ATG2A: variants seen among roughly 807,000 people sequenced by gnomAD.
The protein encoded by ATG2A is autophagy-related protein 2 homolog A.
Under a neutral mutation model 214.2 loss-of-function variants are expected in ATG2A, and 103 were observed. That is an observed-to-expected ratio of 0.48 (90% CI 0.41 to 0.57). The LOEUF (loss-of-function observed/expected upper bound fraction) is 0.57. Among genes scored for constraint, ATG2A ranks in the 20% least tolerant of loss-of-function variants. ATG2A has a pLI of 0.00. For synonymous variants in ATG2A, 1,160 were observed against 1,142.1 expected (o/e 1.02, Z -0.32); for missense variants, 2,312 against 2,613.2 (o/e 0.88, Z 2.51).
chr11:64,899,585 G>A lies in ATG2A; in HGVS notation c.4465-743C>T, dbSNP rs558177123. Reference sequence around the variant, plus strand: ...AGCAAGTGGGACCCCCCTGCCCCAGGCAATTTCCCAGGCCCAAACCTTGAA... The same window carrying A: ...AGCAAGTGGGACCCCCCTGCCCCAGACAATTTCCCAGGCCCAAACCTTGAA... On this transcript the variant is annotated intron_variant, in intron 31 of 40. Coordinates refer to ENST00000377264, the MANE Select transcript of ATG2A (RefSeq NM_015104.3). Among the ~76,000 whole-genome samples, 3 of 152,242 alleles carry A rather than the reference G, an allele frequency of 2.0e-5. No homozygotes were observed. The East Asian group carries it at 5.8e-4, about 29-fold the overall frequency.
chr11:64,910,486 C>T (rs1476973032), intron 12 of ATG2A, 130 bp downstream of exon 12: 2 of 1,169,062 alleles, frequency 1.7e-6, no homozygotes, highest in Non-Finnish European at 2.4e-6. Context: ...ATTTGAGGGC[C>T]CCAGCATGGA....
At chr11:64,896,356 C>T (rs1944149800) in intron 39 of ATG2A, 106 bp downstream of exon 39, 3 of 1,436,078 alleles carry the variant, frequency 2.1e-6, no homozygotes, top group South Asian at 1.4e-5. Context: ...CTGTCATACC[C>T]AGACTGCCCA....
At position 64,895,053 on chromosome 11, in the gene ATG2A, C is replaced by T. The variant is rs774604464; in HGVS notation, c.5737G>A (p.Gly1913Arg). The change falls in exon 41 of 41, where the codon GGG becomes AGG. Residue 1913 changes from glycine to arginine, a missense_variant. By Grantham distance (125) the Gly-to-Arg change is moderately radical. Transcript: ENST00000377264. The surrounding 1 kb of genome is among the most constrained non-coding windows in gnomAD (Gnocchi z 5.0). ...LATEATSSLL[G>R]GMRNQIVPDA... ...GGGACAATCTGGTTGCGCATGCCCC[C>T]GAGCAGGCTGGACGTGGCCTCCGTG... The T allele has an allele frequency of 5.6e-6, 9 of 1,613,366 alleles. No homozygotes were observed. The highest frequency in any genetic ancestry group is 4.0e-5 in the African/African-American group (3 of 74,934).
Position 64,906,758 on chromosome 11 carries a change from G to A in ATG2A, c.2890C>T (p.His964Tyr). 6.2e-7 allele frequency: 1 copy of A among 1,613,512 alleles called. No individual in the cohort carries two copies. The highest frequency in any genetic ancestry group is 8.5e-7 in the Non-Finnish European group (1 of 1,180,020). Residue 964 changes from histidine to tyrosine, a missense_variant, in exon 20 of 41, where the codon CAC becomes TAC. Transcript: ENST00000377264. ...VHGELVLDME[H>Y]GTLFSVSQYC... ...TGGGAGACGCTGAAGAGGGTACCGT[G>A]CTCCATGTCCAGCACCAGCTCCCCG...
At chr11:64,901,350 A>T (rs1008559372) in intron 29 of ATG2A, among the ~76,000 whole-genome samples, 1 of 152,010 alleles carries the variant, frequency 6.6e-6, no homozygotes, top group Admixed American at 6.6e-5. Context: ...TATCTGGCTA[A>T]TTTTATTTTT....
Position 64,905,738 on chromosome 11 carries a change from G to A in ATG2A, c.3371+4C>T. 6.2e-7 allele frequency: 1 copy of A among 1,613,934 alleles called. No homozygotes were observed. The highest frequency in any genetic ancestry group is 8.5e-7 in the Non-Finnish European group (1 of 1,179,996). On this transcript the variant is annotated splice_donor_region_variant and intron_variant, in intron 23 of 40. Transcript: ENST00000377264. ...CCCAGCCCCTGGCCCACCCAGCCTG[G>A]TACCTATAGTCCACAGAGCAGGAGA...
At position 64,917,182 on chromosome 11, in the gene ATG2A, C is replaced by T. The variant is rs1413185021; in HGVS notation, c.-47G>A. 7 of 1,544,632 alleles carry T rather than the reference C, an allele frequency of 4.5e-6. No homozygotes were observed. The highest frequency in any genetic ancestry group is 4.4e-6 in the Non-Finnish European group (5 of 1,143,852). On this transcript the variant is annotated 5_prime_UTR_variant, in exon 1 of 41. Transcript: ENST00000377264. ...GCCGCCTCCGCTTGCCGCCCGCCGGCGATCCCCGTCCGGCTCCGCTGTTCA... is the reference window on the plus strand; with the variant it reads ...GCCGCCTCCGCTTGCCGCCCGCCGGTGATCCCCGTCCGGCTCCGCTGTTCA...
Position 64,909,718 on chromosome 11 carries a change from G to A in ATG2A, c.2070C>T (p.Val690=), listed in dbSNP as rs758411128. The A allele has an allele frequency of 1.9e-6, 3 of 1,613,102 alleles. No individual in the cohort carries two copies. Among genetic ancestry groups the A allele is most frequent in the African/African-American group, 2.7e-5 (2 of 74,950 alleles). The stretch of plus-strand genomic sequence containing the variant: ...AGCAGGTGAGTTCCAGGTGGGTGGG[G>A]ACTGGGGGACCAGGCCCACTGCTAA... ...SELSSGPGPP[V]PTHLELTCSD... The change falls in exon 14 of 41, where the codon GTC becomes GTT. Residue 690 remains valine (V), a synonymous_variant. Transcript: ENST00000377264.
In ATG2A at chr11:64,897,906, C is replaced by T; in HGVS notation, c.4927G>A (p.Gly1643Ser). Reference sequence around the variant, plus strand: ...CCACCTCCTGGGGCCTCCTGCGAACCAGTGGTCTCTACGCCTTCGGCCTGC... The same window carrying T: ...CCACCTCCTGGGGCCTCCTGCGAACTAGTGGTCTCTACGCCTTCGGCCTGC... ...EGQAEGVETTGSQEAPGGGHS... is the reference protein window; with the variant it reads ...EGQAEGVETTSSQEAPGGGHS... The change falls in exon 35 of 41, where the codon GGT (glycine) becomes AGT (serine). Residue 1643 changes from glycine to serine, a missense_variant. Gly to Ser is a moderately conservative substitution (Grantham distance 56). Coordinates refer to ENST00000377264, the MANE Select transcript of ATG2A (RefSeq NM_015104.3). 1 of 1,563,692 alleles carries T rather than the reference C, an allele frequency of 6.4e-7. No individual in the cohort carries two copies. The highest frequency in any genetic ancestry group is 1.2e-5 in the South Asian group (1 of 82,534).
At position 64,900,571 on chromosome 11, in the gene ATG2A, G is replaced by C. The variant is rs1295289030; in HGVS notation, c.4387C>G (p.Arg1463Gly). The C allele has an allele frequency of 6.2e-7, 1 of 1,613,144 alleles. No homozygotes were observed. The highest frequency in any genetic ancestry group is 1.3e-5 in the African/African-American group (1 of 74,906). ...SSPSRCSGPN[R>G]PQNSWRTQGG... ...TGCGTGCGCCATGAGTTCTGGGGCC[G>C]GTTGGGGCCAGAGCAGCGGGAAGGG... is the stretch of plus-strand genomic sequence containing the variant. Residue 1463 changes from arginine (R) to glycine (G), a missense_variant, in exon 31 of 41, where the codon CGG (arginine) becomes GGG (glycine). By Grantham distance (125) the Arg-to-Gly change is moderately radical (BLOSUM62 -2). Transcript: ENST00000377264.
chr11:64,909,884 C>T lies in ATG2A; in HGVS notation c.1904G>A (p.Arg635Gln), dbSNP rs1450050110. The T allele has an allele frequency of 8.7e-6, 14 of 1,607,690 alleles. No homozygotes were observed. Among genetic ancestry groups the T allele is most frequent in the Admixed American group, 1.7e-5 (1 of 59,868 alleles). The change falls in exon 14 of 41, where the codon CGG becomes CAG. Residue 635 changes from arginine to glutamine, a missense_variant. Coordinates refer to ENST00000377264, the MANE Select transcript of ATG2A (RefSeq NM_015104.3). ...LPAMEQQTVF[R>Q]LSAPRATLRL... ...CAGCGTGGCCCGGGGTGCAGAGAGC[C>T]GAAATACCGTCTGCTGCTCCATCGC...
chr11:64,903,150 G>A lies in ATG2A; in HGVS notation c.3612+138C>T, dbSNP rs1944418347. ...TGTACTATGGCCCTTTGCAGGAGGG[G>A]CGCTAACTGCAGCCCAGGAAGGGCA... On this transcript the variant is annotated intron_variant, in intron 26 of 40. Coordinates refer to ENST00000377264, the MANE Select transcript of ATG2A (RefSeq NM_015104.3). This position sits in a 1 kb window ranked among gnomAD's most constrained non-coding sequence, Gnocchi z 4.2. 3 of 755,608 alleles carry A rather than the reference G, an allele frequency of 4.0e-6. No homozygotes were observed. The highest frequency in any genetic ancestry group is 4.4e-5 in the Admixed American group (2 of 45,946). The allele number at this position is 755,608 out of a possible 1,614,324, so 46.8% of individuals were successfully genotyped here.
chr11:64,911,644 G>C (rs1298675997), intron 9 of ATG2A, among the ~76,000 whole-genome samples, 198 bp downstream of exon 9: 1 of 152,176 alleles, frequency 6.6e-6, no homozygotes, highest in Non-Finnish European at 1.5e-5. Flanking sequence ...GCTTGACTAA[G>C]ATCAATGACT....
rs1452866919 is a variant in ATG2A, at chr11:64,914,275, A to G, written c.335-42T>C. 7 of 1,552,430 alleles carry G rather than the reference A, an allele frequency of 4.5e-6. No homozygotes were observed. The Admixed American group carries it at 5.8e-5, about 13-fold the overall frequency. ...GGTCTCAAGGCAGGCAGGCCCAGTC[A>G]GGTCCTGGACGCCCCAGCCCACTCT... On this transcript the variant is annotated intron_variant, in intron 2 of 40. Coordinates refer to ENST00000377264, the MANE Select transcript of ATG2A (RefSeq NM_015104.3).
rs1251587640 is a variant in ATG2A, at chr11:64,898,134, G to A, written c.4810C>T (p.Leu1604=). The A allele has an allele frequency of 2.5e-6, 4 of 1,614,140 alleles. No homozygotes were observed. The highest frequency in any genetic ancestry group is 2.5e-6 in the Non-Finnish European group (3 of 1,180,030). ...LFFLKDFFTS[L]VAGINPVVPG... is the part of the protein sequence containing the mutation. Reference sequence around the variant, plus strand: ...ACCACGGGGTTGATGCCGGCCACCAGACTAGTGAAGAAGTCCTTGAGGAAG... The same window carrying A: ...ACCACGGGGTTGATGCCGGCCACCAAACTAGTGAAGAAGTCCTTGAGGAAG... Residue 1604 remains leucine, a synonymous_variant, in exon 34 of 41, where the codon CTG becomes TTG. Coordinates refer to ENST00000377264, the MANE Select transcript of ATG2A (RefSeq NM_015104.3). This position sits in a 1 kb window ranked among gnomAD's most constrained non-coding sequence, Gnocchi z 4.5.
Position 64,894,856 on chromosome 11 carries a change from G to A in ATG2A, c.*117C>T, listed in dbSNP as rs765412974. 1.1e-5 allele frequency: 13 copies of A among 1,222,486 alleles called. No homozygotes were observed. Among genetic ancestry groups the A allele is most frequent in the African/African-American group, 4.4e-5 (3 of 67,522 alleles). 75.7% of individuals were successfully genotyped at this position (1,222,486 alleles called of 1,614,324 possible). ...TTGGCAACGGGCAGGCTGGGAAGGCGTCCTTCACAGTGGCCATCCCCTGAA... is the reference window on the plus strand; with the variant it reads ...TTGGCAACGGGCAGGCTGGGAAGGCATCCTTCACAGTGGCCATCCCCTGAA... On this transcript the variant is annotated 3_prime_UTR_variant, in exon 41 of 41. Coordinates refer to ENST00000377264, the MANE Select transcript of ATG2A (RefSeq NM_015104.3).
chr11:64,896,432 G>A lies in ATG2A; in HGVS notation c.5427+30C>T, dbSNP rs1944153503. ...CAGAGGGCTCCAGCTGCTCTGTCCT[G>A]CACAGCCCAGATACAGGGCACCCAC... On this transcript the variant is annotated intron_variant, in intron 39 of 40. Coordinates refer to ENST00000377264, the MANE Select transcript of ATG2A (RefSeq NM_015104.3). The A allele has an allele frequency of 4.4e-6, 7 of 1,589,030 alleles. No homozygotes were observed. In the East Asian group the frequency reaches 1.6e-4, roughly 36 times the overall value.
At chr11:64,910,754 A>G in intron 11 of ATG2A, 46 bp from the exon 12 acceptor site, 1 of 1,610,244 alleles carries the variant, frequency 6.2e-7, no homozygotes, top group Non-Finnish European at 8.5e-7. Flanking sequence ...CTGGCCCCAC[A>G]GCCACCCAAA....
Position 64,898,018 on chromosome 11 carries a change from A to C in ATG2A, c.4859-44T>G, listed in dbSNP as rs748552941. 2 of 1,595,194 alleles carry C rather than the reference A, an allele frequency of 1.3e-6. No individual in the cohort carries two copies. Among genetic ancestry groups the C allele is most frequent in the Non-Finnish European group, 1.7e-6 (2 of 1,172,190 alleles). ...CAGACTGGGGATGGGGCCAGGAATGACTGGGAACCTGTGCTGTCCTGGGAG... is the reference window on the plus strand; with the variant it reads ...CAGACTGGGGATGGGGCCAGGAATGCCTGGGAACCTGTGCTGTCCTGGGAG... On this transcript the variant is annotated intron_variant, in intron 34 of 40. Transcript: ENST00000377264. This position sits in a 1 kb window ranked among gnomAD's most constrained non-coding sequence, Gnocchi z 4.5.
Sources: gnomAD v4.1 joint callset for allele counts (sites outside exome capture counted in the v4.1 genomes callset) on GRCh38, gnomAD v4.1.1 for gene constraint, Gnocchi (gnomAD v3.1) non-coding constraint, MANE v1.5 for transcripts, NCBI Gene and HGNC (gene_info 2026-07-23, HGNC 2026-07-21) for gene names.